The following DROSHA variants were observed in gnomAD, a reference collection of about 807,000 sequenced individuals.
DROSHA encodes the protein drosha ribonuclease III, also known as ribonuclease 3.
In DROSHA, 56 loss-of-function variants were observed where a neutral mutation model predicts 181.9. The ratio of observed to expected loss-of-function variants is 0.31; its 90% CI spans 0.25 to 0.38. The LOEUF is 0.38. Among genes scored for constraint, DROSHA ranks in the 10% least tolerant of loss-of-function variants. DROSHA has a pLI of 1.00. For missense variants in DROSHA, 1,218 were observed against 1,743.5 expected (o/e 0.70, Z 5.37); for synonymous variants, 524 against 591.2 (o/e 0.89, Z 1.65).
chr5:31,490,555 G>C (rs1253099762), intron 13 of DROSHA, among the ~76,000 whole-genome samples: 3 of 152,070 alleles, frequency 2.0e-5, no homozygotes, highest in African/African-American at 4.8e-5. Flanking sequence ...TACATAAAAA[G>C]GTAAAATTCT....
In DROSHA at chr5:31,410,812, T is replaced by C; in HGVS notation, c.3601A>G (p.Ile1201Val). 6.2e-7 allele frequency: 1 copy of C among 1,614,018 alleles called. No homozygotes were observed. The highest frequency in any genetic ancestry group is 8.5e-7 in the Non-Finnish European group (1 of 1,179,850). ...GGCCTCTTGGTCTTGTCGTTGGTTATGGCGTACTCCTGCATGCCCAGCTCC... is the reference window on the plus strand; with the variant it reads ...GGCCTCTTGGTCTTGTCGTTGGTTACGGCGTACTCCTGCATGCCCAGCTCC... ...AEELGMQEYA[I>V]TNDKTKRPVA... The change falls in exon 31 of 36, where the codon ATA (isoleucine) becomes GTA (valine). Residue 1201 changes from isoleucine to valine, a missense_variant. Physicochemically the swap from Ile to Val is conservative, Grantham distance 29. Around this residue, in one of 8 missense-constraint regions of DROSHA, gnomAD observed 47 missense variants for 70.6 expected, o/e 0.67. Transcript: ENST00000344624.
intron 33 of DROSHA, 81 bp from the exon 34 acceptor site, chr5:31,407,026 TA>T: frequency 8.4e-7 from 1 of 1,196,376 alleles, no homozygotes; most frequent in Non-Finnish European, 1.2e-6. Flanking sequence ...GAAAACCATG[TA>T]CTTAGTGCCT....
rs1007853244 is a variant in DROSHA, at chr5:31,472,238, G to A, written c.2072-6C>T. The stretch of plus-strand genomic sequence containing the variant: ...CAGCACTTCCTTTCCTCCATCTTGG[G>A]TGGGAATGGGAGTGGAGAGAAGGGG... On this transcript the variant is annotated splice_polypyrimidine_tract_variant and splice_region_variant and intron_variant, in intron 16 of 35. Transcript: ENST00000344624. 5 of 1,601,986 alleles carry A rather than the reference G, an allele frequency of 3.1e-6. No individual in the cohort carries two copies. The highest frequency in any genetic ancestry group is 4.3e-6 in the Non-Finnish European group (5 of 1,173,686).
Position 31,424,460 on chromosome 5 carries a change from T to G in DROSHA, c.3228A>C (p.Glu1076Asp). ...GGTGGAGAGGATAATTGAGCCAGACTTCGCGCAGGTCCTGGAAAATGGAGT... is the reference window on the plus strand; with the variant it reads ...GGTGGAGAGGATAATTGAGCCAGACGTCGCGCAGGTCCTGGAAAATGGAGT... ...RLLFNDPDLR[E>D]VWLNYPLHPL... Residue 1076 changes from glutamate (E) to aspartate (D), a missense_variant, in exon 28 of 36, where the codon GAA becomes GAC. Physicochemically the swap from Glu to Asp is conservative, Grantham distance 45 (BLOSUM62 2). Around this residue, in one of 8 missense-constraint regions of DROSHA, gnomAD observed 71 missense variants for 95.2 expected, o/e 0.75. Coordinates refer to ENST00000344624, the MANE Select transcript of DROSHA (RefSeq NM_001382508.1). The G allele has an allele frequency of 6.3e-7, 1 of 1,595,646 alleles. No homozygotes were observed. The highest frequency in any genetic ancestry group is 1.1e-5 in the South Asian group (1 of 87,260).
Position 31,400,805 on chromosome 5 carries a change from T to TA in DROSHA, c.*626dup, listed in dbSNP as rs1285624487. 2.6e-5 allele frequency: 4 copies of TA among 153,396 alleles called. No individual in the cohort carries two copies. The highest frequency in any genetic ancestry group is 9.6e-5 in the African/African-American group (4 of 41,486). 9.5% of individuals were successfully genotyped at this position (153,396 alleles called of 1,614,324 possible). A position where few individuals can be genotyped will look rare whatever the true frequency, so the allele number is the denominator to read the frequency against. On this transcript the variant is annotated 3_prime_UTR_variant, in exon 36 of 36. Transcript: ENST00000344624. ...ACTTGGTTTAAAGTGTGGCCTGGCTTAGAATCATGATTTCTCTCCTATTCT... is the reference window on the plus strand; with the variant it reads ...ACTTGGTTTAAAGTGTGGCCTGGCTTAAGAATCATGATTTCTCTCCTATTCT...
At chr5:31,441,281 C>A (rs1005823701) in intron 23 of DROSHA, among the ~76,000 whole-genome samples, 1 of 151,908 alleles carries the variant, frequency 6.6e-6, no homozygotes, top group Non-Finnish European at 1.5e-5. Flanking sequence ...TGTGGTGGCA[C>A]GTGCCTGTAG....
chr5:31,515,322 AC>A, intron 7 of DROSHA, 103 bp from the exon 8 acceptor site: 1 of 1,290,464 alleles, frequency 7.7e-7, no homozygotes, highest in Non-Finnish European at 1.1e-6. Flanking sequence ...AAATATGAAT[AC>A]CATGCCAAAT....
chr5:31,402,995 C>G lies in DROSHA; in HGVS notation c.3995-1433G>C, dbSNP rs1740212428. ...ATGGGGTTTCGCCATGCTGGCCAGG[C>G]TGGTCTCAAACTCCTGGCCTCCTGC... On this transcript the variant is annotated intron_variant, in intron 35 of 35. Coordinates refer to ENST00000344624, the MANE Select transcript of DROSHA (RefSeq NM_001382508.1). Among the ~76,000 whole-genome samples, 4 of 152,134 alleles carry G rather than the reference C, an allele frequency of 2.6e-5. No homozygotes were observed. The South Asian group carries it at 8.3e-4, about 31-fold the overall frequency.
chr5:31,425,574 G>A (rs1221424970), intron 27 of DROSHA, among the ~76,000 whole-genome samples: 1 of 151,964 alleles, frequency 6.6e-6, no homozygotes, highest in Non-Finnish European at 1.5e-5. Context: ...ATTTCCACTG[G>A]AGAATTCCAC....
chr5:31,437,200 A>G (rs1330094067), intron 24 of DROSHA, 39 bp downstream of exon 24: 4 of 1,541,134 alleles, frequency 2.6e-6, no homozygotes, highest in Admixed American at 2.0e-5. Context: ...ATAAAATGTA[A>G]TTATTGAGGA....
At chr5:31,417,129 G>T (rs534953392) in intron 30 of DROSHA, among the ~76,000 whole-genome samples, 2 of 152,294 alleles carry the variant, frequency 1.3e-5, no homozygotes, top group East Asian at 1.9e-4. Context: ...GTTAAGGAAG[G>T]CCTTATTGAT....
intron 26 of DROSHA, among the ~76,000 whole-genome samples, chr5:31,429,931 T>C (rs1047875792): frequency 1.3e-5 from 2 of 151,960 alleles, no homozygotes; most frequent in African/African-American, 4.8e-5. Flanking sequence ...TGTATATAGA[T>C]ACCTAAGGAA....
At position 31,401,569 on chromosome 5, in the gene DROSHA, CA is replaced by C; in HGVS notation, c.3995-8del. 1 of 1,539,916 alleles carries C rather than the reference CA, an allele frequency of 6.5e-7. No homozygotes were observed. Among genetic ancestry groups the C allele is most frequent in the Non-Finnish European group, 8.7e-7 (1 of 1,143,330 alleles). ...GCCATCTGGGGAAAATTATCTGACA[CA>C]AGGAAATATATTTTATATTTAATAA... On this transcript the variant is annotated splice_polypyrimidine_tract_variant and splice_region_variant and intron_variant, in intron 35 of 35. Transcript: ENST00000344624.
chr5:31,418,820 C>T (rs1450155259), intron 30 of DROSHA, among the ~76,000 whole-genome samples: 1 of 152,068 alleles, frequency 6.6e-6, no homozygotes, highest in African/African-American at 2.4e-5. Context: ...CATTCAATTA[C>T]TCAGGGAATA....
intron 29 of DROSHA, among the ~76,000 whole-genome samples, chr5:31,422,570 A>G (rs111682542): frequency 3.8e-4 from 58 of 152,324 alleles, no homozygotes; most frequent in African/African-American, 1.4e-3. Flanking sequence ...CCTAAAACTT[A>G]ACAGAGAAAC....
In DROSHA at chr5:31,526,153, T is replaced by C. The variant is rs190562928; in HGVS notation, c.780A>G (p.Arg260=). ...AATCAGATCTGTACCGGCTGTCTTGTCTTCTCCTGTCGGGACTGCGGCCTC... is the reference window on the plus strand; with the variant it reads ...AATCAGATCTGTACCGGCTGTCTTGCCTTCTCCTGTCGGGACTGCGGCCTC... ...RERGRSPDRR[R]QDSRYRSDYD... The change falls in exon 5 of 36, where the codon AGA becomes AGG. Residue 260 remains arginine, a synonymous_variant. Transcript: ENST00000344624. 1.4e-5 allele frequency: 23 copies of C among 1,613,818 alleles called. No individual in the cohort carries two copies. In the African/African-American group the frequency reaches 1.7e-4, roughly 12 times the overall value.
intron 13 of DROSHA, among the ~76,000 whole-genome samples, chr5:31,490,636 A>G (rs1752296812): frequency 6.6e-6 from 1 of 152,248 alleles, no homozygotes; most frequent in Non-Finnish European, 1.5e-5. Flanking sequence ...GAGAACTTAT[A>G]GAACTAGATT....
At chr5:31,430,515 C>T (rs1744047150) in intron 26 of DROSHA, among the ~76,000 whole-genome samples, 1 of 152,184 alleles carries the variant, frequency 6.6e-6, no homozygotes, top group South Asian at 2.1e-4. Flanking sequence ...GTAAGTGATA[C>T]TATCTCCATC....
chr5:31,462,758 C>T (rs1028757746), intron 20 of DROSHA, among the ~76,000 whole-genome samples: 6 of 151,814 alleles, frequency 4.0e-5, no homozygotes, highest in Non-Finnish European at 8.8e-5. Context: ...ACTGTCTCCA[C>T]TCCCATCTCC....
Sources: allele counts gnomAD v4.1 joint callset (sites outside exome capture counted in the v4.1 genomes callset), GRCh38; gene constraint gnomAD v4.1.1; regional missense constraint gnomAD v4.1.1; transcripts MANE v1.5; gene names NCBI Gene and HGNC (gene_info 2026-07-23, HGNC 2026-07-21).